The following NRXN3 variants were observed in gnomAD, a reference collection of about 807,000 sequenced individuals.
The protein encoded by NRXN3 is neurexin 3, also known as neurexin III.
In NRXN3, 32 loss-of-function variants were observed where a neutral mutation model predicts 137.6. The ratio of observed to expected loss-of-function variants is 0.23; its 90% CI spans 0.18 to 0.31. NRXN3 has a LOEUF of 0.31. Ranked by LOEUF, NRXN3 falls within the 10% of genes least tolerant of loss-of-function variation. NRXN3 has a pLI of 1.00. For synonymous variants in NRXN3, 798 were observed against 784.5 expected (o/e 1.02, Z -0.29); for missense variants, 1,574 against 2,062.5 (o/e 0.76, Z 4.59).
chr14:79,351,571 TA>T, intron 15 of NRXN3, among the ~76,000 whole-genome samples: 1 of 152,202 alleles, frequency 6.6e-6, no homozygotes, highest in East Asian at 1.9e-4. Flanking sequence ...CTCAGTTTCC[TA>T]ATCTACAAAA....
intron 10 of NRXN3, among the ~76,000 whole-genome samples, chr14:78,864,500 G>C (rs949601342): frequency 6.6e-6 from 1 of 151,854 alleles, no homozygotes; most frequent in Non-Finnish European, 1.5e-5. Flanking sequence ...TTATCCTTTC[G>C]GTGCTTCACC....
intron 15 of NRXN3, among the ~76,000 whole-genome samples, chr14:79,330,863 A>G (rs1306949890): frequency 6.6e-6 from 1 of 152,216 alleles, no homozygotes; most frequent in East Asian, 1.9e-4. Flanking sequence ...GTTAGAATGA[A>G]ATAAATGTGT....
intron 1 of NRXN3, among the ~76,000 whole-genome samples, chr14:78,200,793 A>T (rs2061605998): frequency 6.6e-6 from 1 of 152,138 alleles, no homozygotes; most frequent in Non-Finnish European, 1.5e-5. Context: ...TACTCCCCTC[A>T]TCCTTGTCAT....
At chr14:79,138,385 G>A (rs1228238105) in intron 15 of NRXN3, among the ~76,000 whole-genome samples, 1 of 152,196 alleles carries the variant, frequency 6.6e-6, no homozygotes, top group Non-Finnish European at 1.5e-5. Context: ...TAACTCTTGG[G>A]CACAAGTGAT....
At chr14:78,506,832 G>C (rs2096004420) in intron 4 of NRXN3, among the ~76,000 whole-genome samples, 1 of 151,712 alleles carries the variant, frequency 6.6e-6, no homozygotes, top group African/African-American at 2.4e-5. Context: ...ATCACACCTG[G>C]TTCTCACTGT....
intron 15 of NRXN3, among the ~76,000 whole-genome samples, chr14:79,111,528 C>T (rs1020704593): frequency 3.3e-5 from 5 of 152,094 alleles, no homozygotes; most frequent in African/African-American, 1.2e-4. Context: ...CACCTGAGGT[C>T]AGGAGTTCAA....
chr14:79,279,901 C>T, intron 15 of NRXN3: 2 of 1,027,526 alleles, frequency 1.9e-6, no homozygotes, highest in Non-Finnish European at 2.3e-6. Flanking sequence ...TCATTGCCAC[C>T]TTTCCTCTGT....
At chr14:78,442,367 G>A (rs1285688717) in intron 4 of NRXN3, among the ~76,000 whole-genome samples, 1 of 152,060 alleles carries the variant, frequency 6.6e-6, no homozygotes, top group Admixed American at 6.6e-5. Context: ...AGATGAGAAC[G>A]ATGTGGCCAC....
intron 17 of NRXN3, among the ~76,000 whole-genome samples, chr14:79,689,081 C>T (rs1025410412): frequency 2.0e-5 from 3 of 151,980 alleles, no homozygotes; most frequent in African/African-American, 7.2e-5. Context: ...TAGTAATGCA[C>T]GTATGCCTCC....
At chr14:79,279,894 T>TTGC in intron 15 of NRXN3, 11 of 1,020,784 alleles carry the variant, frequency 1.1e-5, no homozygotes, top group Non-Finnish European at 1.3e-5. Context: ...TCTTCCTTCA[T>TTGC]TGCCACCTTT....
chr14:78,881,029 G>A (rs552627673), intron 10 of NRXN3, among the ~76,000 whole-genome samples: 1 of 151,796 alleles, frequency 6.6e-6, no homozygotes, highest in East Asian at 1.9e-4. Context: ...CACAAGATTT[G>A]ATGGTTTCAT....
At chr14:78,245,054 G>A (rs1034198872) in intron 2 of NRXN3, among the ~76,000 whole-genome samples, 14 of 152,214 alleles carry the variant, frequency 9.2e-5, no homozygotes, top group African/African-American at 3.1e-4. Context: ...GACATGAGAA[G>A]CTGAGAACCA....
At chr14:78,760,246 TAGTC>T (rs2098687891) in intron 8 of NRXN3, among the ~76,000 whole-genome samples, 2 of 151,104 alleles carry the variant, frequency 1.3e-5, no homozygotes, top group South Asian at 4.2e-4. Context: ...TTCTCCATGT[TAGTC>T]AGGCTGGTTT....
At chr14:79,568,526 T>C (rs2097570182) in intron 16 of NRXN3, among the ~76,000 whole-genome samples, 1 of 150,432 alleles carries the variant, frequency 6.6e-6, no homozygotes, top group Admixed American at 6.6e-5. Flanking sequence ...CTCAGAGAGA[T>C]GTTCTCACTA....
chr14:78,367,491 T>C (rs2086144471), intron 4 of NRXN3, among the ~76,000 whole-genome samples: 2 of 152,208 alleles, frequency 1.3e-5, no homozygotes, highest in South Asian at 4.1e-4. Flanking sequence ...ATACTGATTA[T>C]ATGCTTACAA....
intron 16 of NRXN3, among the ~76,000 whole-genome samples, chr14:79,611,130 T>A (rs921024700): frequency 1.3e-5 from 2 of 152,138 alleles, no homozygotes; most frequent in Non-Finnish European, 2.9e-5. Flanking sequence ...TATTTTTCTA[T>A]CTTTTAAAAA....
chr14:78,189,479 A>T (rs905774600), intron 1 of NRXN3, among the ~76,000 whole-genome samples: 2 of 151,604 alleles, frequency 1.3e-5, no homozygotes, highest in East Asian at 3.9e-4. Context: ...CTCCTCTTCC[A>T]TTCTTTTGCC....
At chr14:78,682,105 A>G (rs982660892) in intron 6 of NRXN3, among the ~76,000 whole-genome samples, 1 of 152,014 alleles carries the variant, frequency 6.6e-6, no homozygotes, top group Non-Finnish European at 1.5e-5. Context: ...TGACCTTGTG[A>G]TCCACCTGCC....
chr14:79,307,391 A>T (rs1012102192), intron 15 of NRXN3, among the ~76,000 whole-genome samples: 4 of 152,142 alleles, frequency 2.6e-5, no homozygotes, highest in Admixed American at 2.6e-4. Context: ...GGTCTTCAAA[A>T]TCCATGAGTT....
Sources: allele counts gnomAD v4.1 joint callset (sites outside exome capture counted in the v4.1 genomes callset), GRCh38; gene constraint gnomAD v4.1.1; transcripts MANE v1.5; gene names NCBI Gene and HGNC (gene_info 2026-07-23, HGNC 2026-07-21).